SLC4A4: variants seen among roughly 807,000 people sequenced by gnomAD.
SLC4A4 encodes electrogenic sodium bicarbonate cotransporter 1.
A neutral mutation model predicts 111.5 loss-of-function variants in SLC4A4; 27 were observed. That is an observed-to-expected ratio of 0.24 (90% CI 0.18 to 0.33). SLC4A4 has a LOEUF of 0.33. SLC4A4 is among the 10% of genes least tolerant of loss of function. The pLI is 1.00. For synonymous variants in SLC4A4, 443 were observed against 463.4 expected, an observed-to-expected ratio of 0.96 and a Z score of 0.57; for missense variants, 909 against 1,315.5, an observed-to-expected ratio of 0.69 and a Z score of 4.78.
intron 6 of SLC4A4, among the ~76,000 whole-genome samples, chr4:71,378,880 T>C (rs1717809225): frequency 6.6e-6 from 1 of 152,170 alleles, no homozygotes; most frequent in African/African-American, 2.4e-5. Flanking sequence ...CAATAGATCC[T>C]CATTCATCCC....
intron 6 of SLC4A4, among the ~76,000 whole-genome samples, chr4:71,365,969 A>G (rs1560444715): frequency 6.6e-6 from 1 of 152,082 alleles, no homozygotes; most frequent in East Asian, 1.9e-4. Flanking sequence ...CCCACACATC[A>G]CCCGGTCCAG....
chr4:71,430,984 T>G lies in SLC4A4; in HGVS notation c.808-9632T>G, dbSNP rs557456798. 7.8e-4 allele frequency among the ~76,000 whole-genome samples: 119 copies of G among 152,194 alleles called. 1 individual carries two copies. The highest frequency in any genetic ancestry group is 2.8e-3 in the African/African-American group (116 of 41,532). On this transcript the variant is annotated intron_variant, in intron 7 of 25. Transcript: ENST00000264485. ...CTGGATAGGATGTGTAGAACCCACT[T>G]CTTTAAGAAGAGAGTTAGGAAGGCT...
At chr4:71,170,535 G>C (rs559905409) in intron 2 of SLC4A4, among the ~76,000 whole-genome samples, 1 of 152,064 alleles carries the variant, frequency 6.6e-6, no homozygotes, top group Non-Finnish European at 1.5e-5. Flanking sequence ...CTATCAAGGG[G>C]GCTTTTACTA....
At chr4:71,241,022 G>A (rs1261054452) in intron 2 of SLC4A4, among the ~76,000 whole-genome samples, 2 of 152,078 alleles carry the variant, frequency 1.3e-5, no homozygotes, top group Non-Finnish European at 2.9e-5. Flanking sequence ...AGGAGGTTGA[G>A]GTGGGAGAAT....
At chr4:71,121,308 C>A (rs1743416190) in intron 2 of SLC4A4, among the ~76,000 whole-genome samples, 1 of 152,126 alleles carries the variant, frequency 6.6e-6, no homozygotes, top group African/African-American at 2.4e-5. Flanking sequence ...TCATCGACTG[C>A]CCAAGGGCTG....
chr4:71,311,814 A>AG (rs989708806), intron 3 of SLC4A4, among the ~76,000 whole-genome samples: 1 of 151,060 alleles, frequency 6.6e-6, no homozygotes, highest in Non-Finnish European at 1.5e-5. Context: ...AGCTAGCAGA[A>AG]GAAAAGAAAT....
upstream of SLC4A4, among the ~76,000 whole-genome samples, chr4:71,185,946 T>C (rs1056150729): frequency 1.3e-5 from 2 of 152,216 alleles, no homozygotes; most frequent in African/African-American, 2.4e-5. Context: ...ACATATAATA[T>C]GTATTACTAG....
chr4:71,504,666 G>C (rs916555100), intron 16 of SLC4A4, among the ~76,000 whole-genome samples: 45 of 51,620 alleles, frequency 8.7e-4, no homozygotes, highest in African/African-American at 7.1e-3. Context: ...TGTTTCATGG[G>C]GGGGGGGGTG....
chr4:71,366,351 GT>G, intron 6 of SLC4A4, among the ~76,000 whole-genome samples: 1 of 150,756 alleles, frequency 6.6e-6, no homozygotes, highest in African/African-American at 2.4e-5. Context: ...GTGTGTGTGT[GT>G]GTGTATCTAT....
intron 12 of SLC4A4, among the ~76,000 whole-genome samples, chr4:71,462,984 C>T (rs1186767388): frequency 2.0e-5 from 3 of 152,140 alleles, no homozygotes; most frequent in African/African-American, 7.2e-5. Context: ...CTGAAATTTA[C>T]TGAGGTGAAG....
chr4:71,366,350 TG>T (rs1560445125), intron 6 of SLC4A4, among the ~76,000 whole-genome samples: 1 of 151,854 alleles, frequency 6.6e-6, no homozygotes, highest in African/African-American at 2.4e-5. Flanking sequence ...TGTGTGTGTG[TG>T]TGTGTATCTA....
At chr4:71,273,632 C>T (rs1490726404) in intron 3 of SLC4A4, among the ~76,000 whole-genome samples, 1 of 151,538 alleles carries the variant, frequency 6.6e-6, no homozygotes. Flanking sequence ...TTGGGTAAAG[C>T]CGACTTGCTC....
chr4:71,506,040 A>G (rs1027311597), intron 16 of SLC4A4, among the ~76,000 whole-genome samples: 6 of 151,888 alleles, frequency 4.0e-5, no homozygotes, highest in Non-Finnish European at 7.4e-5. Flanking sequence ...ATTTAGTTCC[A>G]TTGGTCTATG....
At chr4:71,346,883 C>T (rs953809425) in intron 4 of SLC4A4, among the ~76,000 whole-genome samples, 2 of 152,050 alleles carry the variant, frequency 1.3e-5, no homozygotes, top group African/African-American at 4.8e-5. Flanking sequence ...CAGAGTTCTC[C>T]TTATGCTGTA....
In SLC4A4 at chr4:71,569,923, A is replaced by G. The variant is rs1196015939; in HGVS notation, c.*2172A>G. The G allele has an allele frequency of 6.6e-6, 1 of 151,740 alleles. No homozygotes were observed. Among genetic ancestry groups the G allele is most frequent in the Non-Finnish European group, 1.5e-5 (1 of 67,788 alleles). 9.4% of individuals were successfully genotyped at this position (151,740 alleles called of 1,614,324 possible). ...TTATTGTGTTAAAACCTCACTTGCC[A>G]AATTCTGGCTTCACATTTGTATTTA... On this transcript the variant is annotated 3_prime_UTR_variant, in exon 26 of 26. Coordinates refer to ENST00000264485, the MANE Select transcript of SLC4A4 (RefSeq NM_001098484.3).
At chr4:71,087,330 T>C (rs1742209160) in intron 1 of SLC4A4, among the ~76,000 whole-genome samples, 1 of 151,964 alleles carries the variant, frequency 6.6e-6, no homozygotes, top group African/African-American at 2.4e-5. Context: ...AGTCTATCAA[T>C]TTTGTTGATC....
intron 17 of SLC4A4, among the ~76,000 whole-genome samples, chr4:71,533,796 G>T (rs767231589): frequency 7.9e-5 from 12 of 151,970 alleles, no homozygotes; most frequent in South Asian, 2.1e-4. Context: ...CAAAATTCAT[G>T]GTGATTTGGT....
chr4:71,430,971 T>C (rs1723595400), intron 7 of SLC4A4, among the ~76,000 whole-genome samples: 1 of 152,122 alleles, frequency 6.6e-6, no homozygotes, highest in Admixed American at 6.6e-5. Flanking sequence ...GGATAGGATG[T>C]GTAGAACCCA....
chr4:71,210,912 G>A (rs955365734), intron 1 of SLC4A4, among the ~76,000 whole-genome samples: 2 of 152,312 alleles, frequency 1.3e-5, no homozygotes, highest in Non-Finnish European at 1.5e-5. Flanking sequence ...TGCAGCTGCA[G>A]TTATAAAGAT....
Sources: allele counts gnomAD v4.1 joint callset (sites outside exome capture counted in the v4.1 genomes callset), GRCh38; gene constraint gnomAD v4.1.1; transcripts MANE v1.5; gene names NCBI Gene and HGNC (gene_info 2026-07-23, HGNC 2026-07-21).